The following LMF1 variants were observed in gnomAD, a reference collection of about 807,000 sequenced individuals.
LMF1 encodes transmembrane protein 112.
In LMF1, 68 loss-of-function variants were observed where a neutral mutation model predicts 60.6. The ratio of observed to expected loss-of-function variants is 1.12; its 90% CI spans 0.92 to 1.37. LMF1 has a LOEUF of 1.37. Ranked by LOEUF, LMF1 falls within the 40% of genes most tolerant of loss-of-function variation. LMF1 has a pLI of 0.00. For missense variants in LMF1, 948 were observed against 767.2 expected (o/e 1.24, Z -2.78); for synonymous variants, 418 against 324.7 (o/e 1.29, Z -3.09).
chr16:967,452 G>A (rs567416416), intron 1 of LMF1, among the ~76,000 whole-genome samples: 5 of 152,324 alleles, frequency 3.3e-5, no homozygotes, highest in Admixed American at 1.3e-4. Flanking sequence ...TCCTTATTGC[G>A]CACACAGACA....
At chr16:964,020 G>A (rs1205842193) in intron 1 of LMF1, 3 of 455,822 alleles carry the variant, frequency 6.6e-6, no homozygotes, top group Admixed American at 2.3e-5. Flanking sequence ...GCGGCCACCC[G>A]CCTCTCACAG....
intron 1 of LMF1, among the ~76,000 whole-genome samples, chr16:977,983 C>CACAT (rs145319864): frequency 0.017 from 1,465 of 86,630 alleles, 28 homozygotes; most frequent in South Asian, 0.14. Context: ...CCCCACCACA[C>CACAT]ACATACACGC....
chr16:963,238 G>A (rs762072538), intron 1 of LMF1, among the ~76,000 whole-genome samples: 5 of 152,102 alleles, frequency 3.3e-5, no homozygotes, highest in Non-Finnish European at 4.4e-5. Flanking sequence ...TGGGTGGAAG[G>A]GACCTGAGCT....
At chr16:888,944 G>A (rs1057002190) in intron 5 of LMF1, among the ~76,000 whole-genome samples, 1 of 152,222 alleles carries the variant, frequency 6.6e-6, no homozygotes, top group Non-Finnish European at 1.5e-5. Flanking sequence ...TGCTGCGCTG[G>A]CCCTGGGATC....
In LMF1 at chr16:966,391, G is replaced by A. The variant is rs540486478; in HGVS notation, c.193+4397C>T. Among the ~76,000 whole-genome samples the A allele has an allele frequency of 7.2e-5, 11 of 152,326 alleles. 1 individual carries two copies. In the South Asian group the frequency reaches 1.0e-3, roughly 14 times the overall value. The stretch of plus-strand genomic sequence containing the variant: ...TCCCTCCTAGGCCTGTCCAGGACTC[G>A]GCCCCCACAAACACATGGACCGACA... On this transcript the variant is annotated intron_variant, in intron 1 of 10. Coordinates refer to ENST00000262301, the MANE Select transcript of LMF1 (RefSeq NM_022773.4).
At chr16:964,673 C>T (rs140451191) in intron 1 of LMF1, among the ~76,000 whole-genome samples, 1 of 152,312 alleles carries the variant, frequency 6.6e-6, no homozygotes, top group African/African-American at 2.4e-5. Flanking sequence ...AGCAGGGTTT[C>T]AAGTATTCTT....
chr16:911,455 T>C (rs2071109977), intron 3 of LMF1, among the ~76,000 whole-genome samples: 2 of 151,058 alleles, frequency 1.3e-5, no homozygotes, highest in African/African-American at 4.9e-5. Flanking sequence ...TCCCCTCCCA[T>C]AGGTTTGCAT....
At chr16:902,922 T>C (rs574711) in intron 4 of LMF1, among the ~76,000 whole-genome samples, 20 of 63,666 alleles carry the variant, frequency 3.1e-4, no homozygotes, top group South Asian at 1.0e-3. Flanking sequence ...GCCCACAGGA[T>C]GCCTGTCTCT....
rs549338965 is a variant in LMF1 at position 878,641 on chromosome 16, C to T, written c.897+929G>A. Among the ~76,000 whole-genome samples, 5 of 151,310 alleles carry T rather than the reference C, an allele frequency of 3.3e-5. No individual in the cohort carries two copies. The highest frequency in any genetic ancestry group is 2.1e-4 in the South Asian group (1 of 4,824). On this transcript the variant is annotated intron_variant, in intron 6 of 10. Transcript: ENST00000262301. The surrounding 1 kb of genome is among the most constrained non-coding windows in gnomAD (Gnocchi z 5.2). ...ACAGGACCCGGCCAACAACCATGGG[C>T]GCCCCCACGTGCACCAACGTGGCGT...
chr16:970,017 GT>G (rs1227009962), intron 1 of LMF1, among the ~76,000 whole-genome samples: 4 of 152,200 alleles, frequency 2.6e-5, no homozygotes, highest in African/African-American at 9.6e-5. Context: ...CCGCACAGCT[GT>G]GGGGTGAAGG....
At chr16:863,799 A>G (rs2151691467) in intron 10 of LMF1, among the ~76,000 whole-genome samples, 2 of 152,298 alleles carry the variant, frequency 1.3e-5, no homozygotes, top group Middle Eastern at 3.4e-3. Context: ...CATCCAGCTG[A>G]TGTCAGATTA....
At chr16:877,851 C>T (rs1480161029) in intron 6 of LMF1, among the ~76,000 whole-genome samples, 1 of 152,156 alleles carries the variant, frequency 6.6e-6, no homozygotes, top group African/African-American at 2.4e-5. Context: ...CAGAGGTTGT[C>T]TGAGAAAGGT....
intron 3 of LMF1, among the ~76,000 whole-genome samples, chr16:917,819 G>A (rs2071324256): frequency 6.6e-6 from 1 of 152,220 alleles, no homozygotes; most frequent in African/African-American, 2.4e-5. Flanking sequence ...CTCTGGGATT[G>A]ACCAGGCTGT....
Position 911,028 on chromosome 16 carries a change from G to C in LMF1, c.566C>G (p.Pro189Arg). The change falls in exon 4 of 11, where the codon CCT (proline) becomes CGT (arginine). Residue 189 changes from proline (P) to arginine (R), a missense_variant. Coordinates refer to ENST00000262301, the MANE Select transcript of LMF1 (RefSeq NM_022773.4). ...ETGFLGIFLCPLWTLSRLPQH... is the reference protein window; with the variant it reads ...ETGFLGIFLCRLWTLSRLPQH... Reference sequence around the variant, plus strand: ...GGGCAGCCTTGACAGCGTCCACAGAGGGCACAGGAAGATCCCCAGGAACCC... The same window carrying C: ...GGGCAGCCTTGACAGCGTCCACAGACGGCACAGGAAGATCCCCAGGAACCC... The C allele has an allele frequency of 6.2e-7, 1 of 1,613,080 alleles. No individual in the cohort carries two copies. The highest frequency in any genetic ancestry group is 8.5e-7 in the Non-Finnish European group (1 of 1,179,828).
chr16:890,478 G>A (rs909452434), intron 5 of LMF1, among the ~76,000 whole-genome samples: 3 of 152,126 alleles, frequency 2.0e-5, no homozygotes, highest in African/African-American at 7.2e-5. Flanking sequence ...CTTGGCCCTG[G>A]ACCCCGTGTG....
intron 3 of LMF1, among the ~76,000 whole-genome samples, chr16:925,272 TG>T (rs767084354): frequency 6.6e-6 from 1 of 152,240 alleles, no homozygotes; most frequent in Non-Finnish European, 1.5e-5. Context: ...GATTCAGCAC[TG>T]GAAGTATGAA....
chr16:886,326 C>G (rs1392573400), intron 5 of LMF1, among the ~76,000 whole-genome samples: 3 of 152,138 alleles, frequency 2.0e-5, no homozygotes, highest in Admixed American at 2.0e-4. Context: ...ACCCCTGTCT[C>G]CCCCAGCCAC....
At chr16:911,561 T>G in intron 3 of LMF1, among the ~76,000 whole-genome samples, 1 of 45,438 alleles carries the variant, frequency 2.2e-5, no homozygotes, top group South Asian at 8.7e-4. Flanking sequence ...GGGGCAGCAC[T>G]TGGGGGAGGC....
intron 2 of LMF1, among the ~76,000 whole-genome samples, chr16:937,305 T>C (rs942585806): frequency 1.3e-5 from 2 of 152,184 alleles, no homozygotes; most frequent in African/African-American, 2.4e-5. Context: ...TCCGTGGAGT[T>C]CTTCTGGGTT....
Sources: gnomAD v4.1 joint callset for allele counts (sites outside exome capture counted in the v4.1 genomes callset) on GRCh38, gnomAD v4.1.1 for gene constraint, Gnocchi (gnomAD v3.1) non-coding constraint, MANE v1.5 for transcripts, NCBI Gene and HGNC (gene_info 2026-07-23, HGNC 2026-07-21) for gene names.